BPIFB3: variants seen among roughly 807,000 people sequenced by gnomAD.
BPIFB3 encodes the protein BPI fold-containing family B member 3.
In BPIFB3, 49 loss-of-function variants were observed where a neutral mutation model predicts 53.1. That is an observed-to-expected ratio of 0.92 (90% CI 0.73 to 1.17). The LOEUF (loss-of-function observed/expected upper bound fraction) is 1.17. Ranked by LOEUF, BPIFB3 falls within the 50% of genes most tolerant of loss-of-function variation. The probability of loss-of-function intolerance (pLI) is 0.00; values close to 1 mark genes in which losing one functional copy is unlikely to be tolerated. For missense variants in BPIFB3, 628 were observed against 592.5 expected (o/e 1.06, Z -0.62); for synonymous variants, 271 against 269.6 (o/e 1.01, Z -0.05).
At chr20:33,068,930 A>T in exon 10 of BPIFB3, 1 of 1,613,870 alleles carries the variant, frequency 6.2e-7, no homozygotes, top group Non-Finnish European at 8.5e-7. Flanking sequence ...GTGCTGTTCT[A>T]TGTCCCTAAG....
chr20:33,060,108 T>A, intron 4 of BPIFB3, 77 bp downstream of exon 5: 6 of 1,549,674 alleles, frequency 3.9e-6, no homozygotes, highest in Non-Finnish European at 5.2e-6. Context: ...CTCCCAGGTC[T>A]CCCTGGAGCT....
At chr20:33,061,706 C>T in intron 4 of BPIFB3, 62 bp from the exon 6 acceptor site, 3 of 1,534,136 alleles carry the variant, frequency 2.0e-6, no homozygotes, top group South Asian at 1.1e-5. Flanking sequence ...CCGCCCGACC[C>T]TGTCATCTGG....
At chr20:33,064,477 C>T in exon 7 of BPIFB3, 3 of 1,614,094 alleles carry the variant, frequency 1.9e-6, no homozygotes, top group Non-Finnish European at 2.5e-6. Flanking sequence ...CCTTGGGGCT[C>T]TTGGGTCCGT....
intron 3 of BPIFB3, 99 bp from the exon 5 acceptor site, chr20:33,059,792 G>A: frequency 4.7e-6 from 7 of 1,483,126 alleles, no homozygotes; most frequent in Non-Finnish European, 6.3e-6. Flanking sequence ...GGCTGAGAAG[G>A]GGGCACAGAG....
At chr20:33,059,262 G>A (rs550112819) in intron 2 of BPIFB3, 116 bp from the exon 4 acceptor site, 12 of 686,754 alleles carry the variant, frequency 1.7e-5, no homozygotes, top group South Asian at 1.0e-4. Context: ...CCAAGGGCTC[G>A]CAGCTGGCTC....
downstream of BPIFB3, among the ~76,000 whole-genome samples, chr20:33,073,843 C>T (rs547355252): frequency 9.2e-5 from 14 of 152,322 alleles, no homozygotes; most frequent in East Asian, 2.1e-3. Flanking sequence ...TCCTGTATCT[C>T]GGTATCTCCT....
intron 14 of BPIFB3, 24 bp downstream of exon 15, chr20:33,072,817 C>A: frequency 6.4e-7 from 1 of 1,570,546 alleles, no homozygotes; most frequent in South Asian, 1.1e-5. Context: ...GCAGATACGG[C>A]CCAGGTGGGC....
chr20:33,065,523 A>AGAAGGAAG (rs374472760), intron 8 of BPIFB3, among the ~76,000 whole-genome samples: 2 of 151,046 alleles, frequency 1.3e-5, no homozygotes, highest in Non-Finnish European at 2.9e-5. Flanking sequence ...AAAAAGAGAA[A>AGAAGGAAG]GAAGGAAGGA....
chr20:33,073,674 C>T, downstream of BPIFB3: 12 of 1,562,622 alleles, frequency 7.7e-6, no homozygotes, highest in Non-Finnish European at 1.1e-5. Flanking sequence ...GCCTCAATTT[C>T]CCTCCCAGTC....
chr20:33,072,032 G>A (rs1386051579), intron 12 of BPIFB3, 72 bp from the exon 14 acceptor site: 2 of 1,521,066 alleles, frequency 1.3e-6, no homozygotes, highest in African/African-American at 1.4e-5. Context: ...CTCTCCCTGG[G>A]AACGGGATGC....
exon 8 of BPIFB3, chr20:33,064,804 C>A: frequency 1.2e-6 from 2 of 1,613,900 alleles, no homozygotes; most frequent in Non-Finnish European, 1.7e-6. Flanking sequence ...TGGACTCCTG[C>A]AGACCAACGG....
At chr20:33,066,768 AG>A in intron 8 of BPIFB3, 55 bp from the exon 10 acceptor site, 1 of 1,553,466 alleles carries the variant, frequency 6.4e-7, no homozygotes, top group Non-Finnish European at 8.9e-7. Flanking sequence ...GAGTGTGCTG[AG>A]GGATTCCTGT....
chr20:33,069,674 C>G (rs552059675), intron 10 of BPIFB3, among the ~76,000 whole-genome samples: 20 of 152,366 alleles, frequency 1.3e-4, no homozygotes, highest in African/African-American at 4.8e-4. Context: ...TCCTCTCCTA[C>G]ATTACCAATT....
chr20:33,059,379 C>A (rs1017209789), exon 3 of BPIFB3: 1 of 1,609,694 alleles, frequency 6.2e-7, no homozygotes, highest in Non-Finnish European at 8.5e-7. Context: ...CCATCCTAGT[C>A]TGAAGATTGA....
chr20:33,072,360 G>C (rs1980940060), intron 13 of BPIFB3, among the ~76,000 whole-genome samples, 193 bp downstream of exon 14: 1 of 152,200 alleles, frequency 6.6e-6, no homozygotes. Flanking sequence ...CATCTTGCCA[G>C]CCTATGGACT....
At chr20:33,055,635 A>C in intron 1 of BPIFB3, 88 bp downstream of exon 2, 1 of 1,574,802 alleles carries the variant, frequency 6.3e-7, no homozygotes, top group South Asian at 1.1e-5. Flanking sequence ...TTAAGAGCAG[A>C]TAAGAGCAGG....
chr20:33,062,577 C>T (rs1046034792), intron 5 of BPIFB3, among the ~76,000 whole-genome samples: 3 of 152,226 alleles, frequency 2.0e-5, no homozygotes, highest in African/African-American at 7.2e-5. Context: ...CATGAAGGTG[C>T]ATTTCAACGG....
At chr20:33,067,016 T>TTTG in intron 9 of BPIFB3, 139 bp downstream of exon 10, 1 of 847,306 alleles carries the variant, frequency 1.2e-6, no homozygotes, top group Non-Finnish European at 1.9e-6. Flanking sequence ...AAAGTGTGAA[T>TTTG]GACTAACACG....
At chr20:33,071,600 C>T (rs1308844578) in intron 12 of BPIFB3, among the ~76,000 whole-genome samples, 1 of 152,144 alleles carries the variant, frequency 6.6e-6, no homozygotes, top group South Asian at 2.1e-4. Flanking sequence ...GTCCATCATT[C>T]TGGAACTTCT....
Sources: allele counts gnomAD v4.1 joint callset (sites outside exome capture counted in the v4.1 genomes callset), GRCh38; gene constraint gnomAD v4.1.1; transcripts MANE v1.5; gene names NCBI Gene and HGNC (gene_info 2026-07-23, HGNC 2026-07-21).